Variants in CAMTA1 observed in about 807,000 individuals in gnomAD.
CAMTA1 encodes calmodulin binding transcription activator 1, also known as calmodulin-binding transcription activator 1.
Under a neutral mutation model 170.9 loss-of-function variants are expected in CAMTA1, and 27 were observed. The ratio of observed to expected loss-of-function variants is 0.16; its 90% CI spans 0.12 to 0.22. The LOEUF (loss-of-function observed/expected upper bound fraction) is 0.22, where lower values mean the gene tolerates loss of function less well. Among genes scored for constraint, CAMTA1 ranks in the 10% least tolerant of loss-of-function variants. The pLI is 1.00. For synonymous variants in CAMTA1, 833 were observed against 891.5 expected (o/e 0.93, Z 1.17); for missense variants, 1,619 against 2,217.2 (o/e 0.73, Z 5.42).
chr1:7,029,853 G>A (rs968825262), intron 3 of CAMTA1, among the ~76,000 whole-genome samples: 5 of 152,096 alleles, frequency 3.3e-5, no homozygotes, highest in South Asian at 2.1e-4. Context: ...ATAACATATT[G>A]TTTAATGAAA....
intron 11 of CAMTA1, chr1:7,698,491 G>T (rs1359169784): frequency 1.3e-5 from 2 of 153,536 alleles, no homozygotes; most frequent in Non-Finnish European, 1.4e-5. Flanking sequence ...TGGGGGGCAA[G>T]GGGGGGTGCG....
chr1:6,910,648 T>C (rs551231359), intron 3 of CAMTA1, among the ~76,000 whole-genome samples: 1 of 152,338 alleles, frequency 6.6e-6, no homozygotes, highest in East Asian at 1.9e-4. Context: ...GGAAGGTCAT[T>C]GTGTCCTTGC....
intron 3 of CAMTA1, among the ~76,000 whole-genome samples, chr1:7,055,700 C>T (rs1232414032): frequency 5.9e-5 from 9 of 152,154 alleles, no homozygotes; most frequent in African/African-American, 1.9e-4. Flanking sequence ...CAGGAGGCTG[C>T]GGCAGCATCA....
chr1:7,723,959 A>G (rs1220729019), intron 11 of CAMTA1, among the ~76,000 whole-genome samples: 1 of 152,206 alleles, frequency 6.6e-6, no homozygotes, highest in African/African-American at 2.4e-5. Flanking sequence ...AGCTGGGATT[A>G]CAGGTGCCCA....
intron 5 of CAMTA1, among the ~76,000 whole-genome samples, chr1:7,338,789 G>A (rs1439946509): frequency 6.6e-6 from 1 of 152,246 alleles, no homozygotes; most frequent in African/African-American, 2.4e-5. Context: ...TGAATTTTAT[G>A]TGATGTCTAT....
intron 3 of CAMTA1, among the ~76,000 whole-genome samples, chr1:7,034,799 G>T (rs1424434903): frequency 6.6e-6 from 1 of 152,100 alleles, no homozygotes; most frequent in Non-Finnish European, 1.5e-5. Context: ...CATAAATGTT[G>T]TCGTTTTTTA....
At chr1:7,723,107 C>T (rs1261197405) in intron 11 of CAMTA1, among the ~76,000 whole-genome samples, 1 of 152,126 alleles carries the variant, frequency 6.6e-6, no homozygotes, top group Non-Finnish European at 1.5e-5. Context: ...AATGAACGCT[C>T]AGCACCCAGA....
At chr1:7,346,178 C>T (rs182275838) in intron 5 of CAMTA1, among the ~76,000 whole-genome samples, 1 of 152,276 alleles carries the variant, frequency 6.6e-6, no homozygotes, top group Non-Finnish European at 1.5e-5. Context: ...GCATATCTTC[C>T]TGGAAGCTAT....
At chr1:7,242,552 G>T (rs987805449) in intron 4 of CAMTA1, among the ~76,000 whole-genome samples, 1 of 152,140 alleles carries the variant, frequency 6.6e-6, no homozygotes, top group South Asian at 2.1e-4. Context: ...TTTAGCATCA[G>T]TGCTGCTGTA....
chr1:7,718,555 T>C (rs1230441718), intron 11 of CAMTA1, among the ~76,000 whole-genome samples: 2 of 94,212 alleles, frequency 2.1e-5, no homozygotes, highest in East Asian at 3.6e-4. Flanking sequence ...ATTACAGCAC[T>C]TTTTTTTTTT....
chr1:7,430,243 T>C (rs1305248696), intron 5 of CAMTA1, among the ~76,000 whole-genome samples: 2 of 151,610 alleles, frequency 1.3e-5, no homozygotes, highest in Admixed American at 6.6e-5. Flanking sequence ...ATGATGGTGG[T>C]GAATCTGCTG....
At chr1:7,149,863 A>C (rs1020130714) in intron 4 of CAMTA1, among the ~76,000 whole-genome samples, 1 of 152,214 alleles carries the variant, frequency 6.6e-6, no homozygotes, top group African/African-American at 2.4e-5. Context: ...GGGGAGCAGC[A>C]TGTTTATGGC....
intron 5 of CAMTA1, among the ~76,000 whole-genome samples, chr1:7,352,169 A>C (rs1013236170): frequency 2.7e-5 from 4 of 150,348 alleles, no homozygotes; most frequent in South Asian, 4.4e-4. Context: ...GGAGGAGAGA[A>C]GGAGGAAGTG....
intron 4 of CAMTA1, among the ~76,000 whole-genome samples, chr1:7,176,199 CAG>C (rs1650789661): frequency 6.6e-6 from 1 of 152,210 alleles, no homozygotes; most frequent in Admixed American, 6.5e-5. Context: ...TTTGTCAGAT[CAG>C]AGTTTTGCAA....
At chr1:7,203,893 G>T (rs767536137) in intron 4 of CAMTA1, among the ~76,000 whole-genome samples, 1 of 149,626 alleles carries the variant, frequency 6.7e-6, no homozygotes, top group African/African-American at 2.5e-5. Context: ...GTGCAGTGGC[G>T]TGATCTCGGC....
rs551572441 is a variant in CAMTA1 at position 7,030,217 on chromosome 1, TA to T, written c.235-61086del. ...CTTAAATAAAAAGACAAAAATAGTATATTTTTTTGTATACAGTTACATTAAA... is the reference window on the plus strand; with the variant it reads ...CTTAAATAAAAAGACAAAAATAGTATTTTTTTTGTATACAGTTACATTAAA... On this transcript the variant is annotated intron_variant, in intron 3 of 22. Transcript: ENST00000303635. 2.5e-3 allele frequency among the ~76,000 whole-genome samples: 386 copies of T among 152,352 alleles called. 1 individual carries two copies. Among genetic ancestry groups the T allele is most frequent in the African/African-American group, 8.9e-3 (372 of 41,592 alleles).
rs1248977648 is a variant in CAMTA1, at chr1:7,633,530, A to T, written c.511-6870A>T. On this transcript the variant is annotated intron_variant, in intron 6 of 22. Coordinates refer to ENST00000303635, the MANE Select transcript of CAMTA1 (RefSeq NM_015215.4). This position sits in a 1 kb window ranked among gnomAD's most constrained non-coding sequence, Gnocchi z 4.1. ...GTCTCTGTCTGTCCCTCTAGAAGAC[A>T]TGCCTGGGGGTTCTCCAGGATTGGT... Among the ~76,000 whole-genome samples, 1 of 152,132 alleles carries T rather than the reference A, an allele frequency of 6.6e-6. No individual in the cohort carries two copies. The highest frequency in any genetic ancestry group is 1.5e-5 in the Non-Finnish European group (1 of 68,018).
intron 3 of CAMTA1, among the ~76,000 whole-genome samples, chr1:6,928,455 G>T (rs1253514153): frequency 1.3e-5 from 2 of 152,154 alleles, no homozygotes; most frequent in Non-Finnish European, 2.9e-5. Context: ...GTAAACTCAG[G>T]TGTCTTAGGA....
chr1:6,865,450 T>A (rs916860770), intron 3 of CAMTA1, among the ~76,000 whole-genome samples: 6 of 152,110 alleles, frequency 3.9e-5, no homozygotes, highest in Admixed American at 3.9e-4. Flanking sequence ...GCATTTCCAG[T>A]TGTGGTTAGG....
Sources: allele counts gnomAD v4.1 joint callset (sites outside exome capture counted in the v4.1 genomes callset), GRCh38; gene constraint gnomAD v4.1.1; non-coding constraint Gnocchi (gnomAD v3.1); transcripts MANE v1.5; gene names NCBI Gene and HGNC (gene_info 2026-07-23, HGNC 2026-07-21).